Variants in EPHX4 observed in about 807,000 individuals in gnomAD.
EPHX4 encodes abhydrolase domain containing 7.
Under a neutral mutation model 44.9 loss-of-function variants are expected in EPHX4, and 31 were observed. The ratio of observed to expected loss-of-function variants is 0.69; its 90% CI spans 0.52 to 0.93. The LOEUF is 0.93. EPHX4 is among the 40% of genes least tolerant of loss of function. The pLI is 0.00. For synonymous variants in EPHX4, 151 were observed against 159.7 expected, an observed-to-expected ratio of 0.95 and a Z score of 0.41; for missense variants, 373 against 438.1, an observed-to-expected ratio of 0.85 and a Z score of 1.33.
At chr1:92,030,490 G>GTGTGTGT (rs1383490491) in intron 1 of EPHX4, among the ~76,000 whole-genome samples, 180 bp downstream of exon 1, 9 of 127,758 alleles carry the variant, frequency 7.0e-5, no homozygotes, top group African/African-American at 1.8e-4. Flanking sequence ...GTGTGTGAGA[G>GTGTGTGT]AGAGAGAGAG....
rs191129593 is a variant in EPHX4 at position 92,037,878 on chromosome 1, T to C, written c.318-4945T>C. On this transcript the variant is annotated intron_variant, in intron 2 of 6. Coordinates refer to ENST00000370383, the MANE Select transcript of EPHX4 (RefSeq NM_173567.5). Reference sequence around the variant, plus strand: ...CTTTTTAGGGTTACTGCTTTTGTAATGTGTTTCATTCCTGTATCAAGGAGA... The same window carrying C: ...CTTTTTAGGGTTACTGCTTTTGTAACGTGTTTCATTCCTGTATCAAGGAGA... 1.9e-3 allele frequency among the ~76,000 whole-genome samples: 291 copies of C among 152,362 alleles called. 1 individual carries two copies. The highest frequency in any genetic ancestry group is 5.7e-3 in the Admixed American group (87 of 15,304).
rs545145217 is a variant in EPHX4 at position 92,036,527 on chromosome 1, G to C, written c.317+3937G>C. Among the ~76,000 whole-genome samples, 24 of 152,294 alleles carry C rather than the reference G, an allele frequency of 1.6e-4. No individual in the cohort carries two copies. The South Asian group carries it at 2.3e-3, about 14-fold the overall frequency. On this transcript the variant is annotated intron_variant, in intron 2 of 6. Coordinates refer to ENST00000370383, the MANE Select transcript of EPHX4 (RefSeq NM_173567.5). ...TATCCAAAAGGGATTTGGTCATTGTGAGGAATAGTTTAGTTTTTGGGAAGC... is the reference window on the plus strand; with the variant it reads ...TATCCAAAAGGGATTTGGTCATTGTCAGGAATAGTTTAGTTTTTGGGAAGC...
intron 6 of EPHX4, among the ~76,000 whole-genome samples, chr1:92,052,881 C>G (rs571163176): frequency 6.6e-6 from 1 of 152,188 alleles, no homozygotes; most frequent in South Asian, 2.1e-4. Flanking sequence ...CTTGTTTTAT[C>G]CATAACTCTA....
chr1:92,044,506 A>G (rs772515526), intron 3 of EPHX4, among the ~76,000 whole-genome samples: 1 of 152,230 alleles, frequency 6.6e-6, no homozygotes, highest in Non-Finnish European at 1.5e-5. Context: ...ATAAATTACA[A>G]ATGAATTTTA....
intron 6 of EPHX4, among the ~76,000 whole-genome samples, chr1:92,057,210 AAAAC>A (rs1339570961): frequency 6.6e-6 from 1 of 152,098 alleles, no homozygotes; most frequent in Non-Finnish European, 1.5e-5. Context: ...AATACAATAA[AAAAC>A]AAAGACACAA....
At chr1:92,031,582 A>G (rs943398802) in intron 1 of EPHX4, among the ~76,000 whole-genome samples, 3 of 152,134 alleles carry the variant, frequency 2.0e-5, no homozygotes, top group Non-Finnish European at 4.4e-5. Flanking sequence ...TCATGTTACC[A>G]TCTTTGGGCC....
intron 2 of EPHX4, among the ~76,000 whole-genome samples, chr1:92,040,762 G>C (rs2101868541): frequency 6.6e-6 from 1 of 152,194 alleles, no homozygotes; most frequent in East Asian, 1.9e-4. Flanking sequence ...CACCTGGCCT[G>C]TTTGTTACAT....
chr1:92,040,545 G>A (rs1483935535), intron 2 of EPHX4, among the ~76,000 whole-genome samples: 1 of 151,934 alleles, frequency 6.6e-6, no homozygotes, highest in East Asian at 1.9e-4. Context: ...GGCTGGTCTT[G>A]AACTCATGAC....
At chr1:92,049,251 G>A (rs1489261851) in intron 4 of EPHX4, among the ~76,000 whole-genome samples, 2 of 152,028 alleles carry the variant, frequency 1.3e-5, no homozygotes, top group Non-Finnish European at 2.9e-5. Flanking sequence ...TGCTGTTCCT[G>A]GATGTTCTCC....
intron 4 of EPHX4, among the ~76,000 whole-genome samples, chr1:92,049,020 A>G (rs2101872260): frequency 6.6e-6 from 1 of 151,258 alleles, no homozygotes. Context: ...CTTTTTTATT[A>G]TATATGAATA....
chr1:92,059,848 C>T (rs537693237), intron 6 of EPHX4, among the ~76,000 whole-genome samples: 1 of 151,474 alleles, frequency 6.6e-6, no homozygotes, highest in Non-Finnish European at 1.5e-5. Flanking sequence ...ATTTACCAAC[C>T]AGTAGAGAAG....
chr1:92,057,452 C>T (rs1307073898), intron 6 of EPHX4, among the ~76,000 whole-genome samples: 3 of 152,040 alleles, frequency 2.0e-5, no homozygotes, highest in Non-Finnish European at 2.9e-5. Context: ...TTAAGAAAAA[C>T]ATAACTTATC....
intron 6 of EPHX4, among the ~76,000 whole-genome samples, chr1:92,055,558 C>A (rs1219901136): frequency 6.6e-6 from 1 of 152,014 alleles, no homozygotes; most frequent in Non-Finnish European, 1.5e-5. Flanking sequence ...TCAAGCAAGG[C>A]AATGGTTAGA....
intron 1 of EPHX4, among the ~76,000 whole-genome samples, 173 bp downstream of exon 1, chr1:92,030,483 TGTGAGAGA>T (rs1162875001): frequency 7.2e-6 from 1 of 138,658 alleles, no homozygotes; most frequent in East Asian, 2.0e-4. Context: ...TGTGTGTGTG[TGTGAGAGA>T]GAGAGAGAGA....
intron 2 of EPHX4, among the ~76,000 whole-genome samples, chr1:92,034,334 C>T (rs969451163): frequency 2.7e-4 from 40 of 146,612 alleles, no homozygotes; most frequent in African/African-American, 9.5e-4. Flanking sequence ...TGGTACATAT[C>T]ATGGCAGTAA....
chr1:92,032,822 G>A (rs1021738671), intron 2 of EPHX4, among the ~76,000 whole-genome samples: 2 of 152,112 alleles, frequency 1.3e-5, no homozygotes, highest in Non-Finnish European at 2.9e-5. Context: ...AGCAAAAGGG[G>A]GCCGAAATTG....
At chr1:92,035,815 G>A (rs913240120) in intron 2 of EPHX4, among the ~76,000 whole-genome samples, 1 of 152,010 alleles carries the variant, frequency 6.6e-6, no homozygotes, top group African/African-American at 2.4e-5. Context: ...CCCAAGCCAG[G>A]TACTTTTGTA....
intron 2 of EPHX4, among the ~76,000 whole-genome samples, chr1:92,042,553 G>A (rs532043184): frequency 1.4e-4 from 21 of 151,720 alleles, no homozygotes; most frequent in Non-Finnish European, 2.5e-4. Context: ...GGGAGACCCC[G>A]TGTCTACAAA....
At chr1:92,054,048 A>G (rs965920153) in intron 6 of EPHX4, among the ~76,000 whole-genome samples, 2 of 152,208 alleles carry the variant, frequency 1.3e-5, no homozygotes, top group Admixed American at 6.5e-5. Flanking sequence ...AGGGAAAAAA[A>G]TGAGATTCCA....
Sources: gnomAD v4.1 joint callset for allele counts (sites outside exome capture counted in the v4.1 genomes callset) on GRCh38, gnomAD v4.1.1 for gene constraint, MANE v1.5 for transcripts, NCBI Gene and HGNC (gene_info 2026-07-23, HGNC 2026-07-21) for gene names.